Variants in RGL3 observed in about 807,000 individuals in gnomAD.
The protein encoded by RGL3 is ral guanine nucleotide dissociation stimulator-like 3.
RGL3 carries 85 observed loss-of-function variants against 90.6 expected under a neutral mutation model. The ratio of observed to expected loss-of-function variants is 0.94; its 90% CI spans 0.79 to 1.12. The LOEUF (loss-of-function observed/expected upper bound fraction) is 1.12, where lower values mean the gene tolerates loss of function less well. Ranked by LOEUF, RGL3 falls within the 50% of genes most tolerant of loss-of-function variation. The probability of loss-of-function intolerance (pLI) is 0.00; values close to 1 mark genes in which losing one functional copy is unlikely to be tolerated. For synonymous variants in RGL3, 408 were observed against 385.5 expected (o/e 1.06, Z -0.68); for missense variants, 1,034 against 939.2 (o/e 1.10, Z -1.32).
In RGL3 at chr19:11,409,288, G is replaced by T. The variant is rs917319390; in HGVS notation, c.638-2424C>A. Among the ~76,000 whole-genome samples, 5 of 152,222 alleles carry T rather than the reference G, an allele frequency of 3.3e-5. No homozygotes were observed. In the East Asian group the frequency reaches 9.7e-4, roughly 29 times the overall value. ...GAGGTCAGGAGATCGAGACCATCCTGGCTAACATGGTGAAACCCCGTCTCT... is the reference window on the plus strand; with the variant it reads ...GAGGTCAGGAGATCGAGACCATCCTTGCTAACATGGTGAAACCCCGTCTCT... On this transcript the variant is annotated intron_variant, in intron 5 of 18. Transcript: ENST00000380456.
chr19:11,410,008 G>A (rs529483262), intron 5 of RGL3, among the ~76,000 whole-genome samples: 222 of 151,512 alleles, frequency 1.5e-3, no homozygotes, highest in African/African-American at 5.2e-3. Flanking sequence ...GCTCGATCTC[G>A]GCTCACTGCA....
At chr19:11,395,415 A>T (rs181153141) in intron 18 of RGL3, among the ~76,000 whole-genome samples, 72 of 152,130 alleles carry the variant, frequency 4.7e-4, no homozygotes, top group Middle Eastern at 3.4e-3. Flanking sequence ...GGACAATCTC[A>T]TGCTTCCGCG....
At chr19:11,414,176 T>TACACCTATATATATATATATATATAC (rs1968926451) in intron 5 of RGL3, among the ~76,000 whole-genome samples, 1 of 75,020 alleles carries the variant, frequency 1.3e-5, no homozygotes, top group Admixed American at 1.5e-4. Context: ...TATATATATA[T>TACACCTATATATATATATATATATAC]ACACCTATAT....
intron 9 of RGL3, among the ~76,000 whole-genome samples, chr19:11,403,405 G>A (rs967832975): frequency 6.7e-6 from 1 of 149,108 alleles, no homozygotes; most frequent in Non-Finnish European, 1.5e-5. Context: ...TTGGGAGGCC[G>A]AGGCTGGTGG....
chr19:11,395,318 C>A (rs1021998658), intron 18 of RGL3, among the ~76,000 whole-genome samples: 1 of 152,144 alleles, frequency 6.6e-6, no homozygotes. Context: ...TGAACAACCA[C>A]AAGCATCCTT....
intron 5 of RGL3, among the ~76,000 whole-genome samples, chr19:11,413,552 AAAAAG>A (rs1317503982): frequency 6.7e-6 from 1 of 148,258 alleles, no homozygotes; most frequent in Non-Finnish European, 1.5e-5. Context: ...AAAAAAAAAA[AAAAAG>A]GGCAGGGTCA....
At chr19:11,418,588 C>T in intron 2 of RGL3, 83 bp downstream of exon 2, 1 of 1,112,606 alleles carries the variant, frequency 9.0e-7, no homozygotes, top group Non-Finnish European at 1.3e-6. Context: ...CCCACTGCAC[C>T]TGGCGGCCTG....
At chr19:11,416,490 C>T (rs1377964454) in intron 4 of RGL3, 124 bp downstream of exon 4, 4 of 954,288 alleles carry the variant, frequency 4.2e-6, no homozygotes, top group African/African-American at 1.6e-5. Flanking sequence ...TGAGCCACCA[C>T]GCCCCACCTG....
rs10416704 is a variant in RGL3 at position 11,405,331 on chromosome 19, T to C, written c.1092A>G (p.Ala364=). The change falls in exon 8 of 19, where the codon GCA becomes GCG. Residue 364 remains alanine (A), a synonymous_variant. Coordinates refer to ENST00000380456, the MANE Select transcript of RGL3 (RefSeq NM_001035223.4). Reference sequence around the variant, plus strand: ...GTCCCGCCCCAGCTCACCGGCTCACTGCCCCCCAGCTGCGCTTGAGCCGGT... The same window carrying C: ...GTCCCGCCCCAGCTCACCGGCTCACCGCCCCCCAGCTGCGCTTGAGCCGGT... The part of the protein sequence containing the change: ...PIYRLKRSWG[A]VSREPLSTFR... 1.9e-6 allele frequency: 3 copies of C among 1,612,780 alleles called. No homozygotes were observed. The highest frequency in any genetic ancestry group is 2.5e-6 in the Non-Finnish European group (3 of 1,179,550).
chr19:11,405,250 G>C lies in RGL3; in HGVS notation c.1101-19C>G, dbSNP rs1435510617. On this transcript the variant is annotated intron_variant, in intron 8 of 18. Transcript: ENST00000380456. ...CGGTTCCCTGGAAGGACAGGAGAAG[G>C]GTGGTCAGGGGTCAGTGGCTTGGGA... The C allele has an allele frequency of 1.9e-6, 3 of 1,613,292 alleles. No individual in the cohort carries two copies. Among genetic ancestry groups the C allele is most frequent in the South Asian group, 2.2e-5 (2 of 91,058 alleles).
chr19:11,402,249 TG>T lies in RGL3; in HGVS notation c.1330-3del. 2.5e-6 allele frequency: 4 copies of T among 1,611,044 alleles called. No homozygotes were observed. The highest frequency in any genetic ancestry group is 3.4e-6 in the Non-Finnish European group (4 of 1,178,792). ...CTTCTCAAAGTTAATGAGATCCCCC[TG>T]GGGGCAAAGTGTGTCTGAATTGCAG... is the stretch of plus-strand genomic sequence containing the variant. On this transcript the variant is annotated splice_region_variant and splice_polypyrimidine_tract_variant and intron_variant, in intron 11 of 18. Transcript: ENST00000380456.
In RGL3 at chr19:11,407,049, A is replaced by C. The variant is rs148075683; in HGVS notation, c.638-185T>G. 180 of 549,212 alleles carry C rather than the reference A, an allele frequency of 3.3e-4. 3 individuals are homozygous for C. Among genetic ancestry groups the C allele is most frequent in the Middle Eastern group, 2.5e-3 (5 of 2,024 alleles). 34.0% of individuals were successfully genotyped at this position (549,212 alleles called of 1,614,324 possible). On this transcript the variant is annotated intron_variant, in intron 5 of 18. Transcript: ENST00000380456. Reference sequence around the variant, plus strand: ...TGCCCAAGCTGGAGTACAATGGCGCAATCTCAGCTGACCACAACCTCCGCC... The same window carrying C: ...TGCCCAAGCTGGAGTACAATGGCGCCATCTCAGCTGACCACAACCTCCGCC...
rs201239026 is a variant in RGL3 at position 11,406,430 on chromosome 19, G to T, written c.985C>A (p.Arg329Ser). 130 of 1,538,616 alleles carry T rather than the reference G, an allele frequency of 8.4e-5. No individual in the cohort carries two copies. The East Asian group carries it at 2.2e-3, about 26-fold the overall frequency. Residue 329 changes from arginine (R) to serine (S), a missense_variant, in exon 7 of 19, where the codon CGC (arginine) becomes AGC (serine). By Grantham distance (110) the Arg-to-Ser change is moderately radical. Coordinates refer to ENST00000380456, the MANE Select transcript of RGL3 (RefSeq NM_001035223.4). ...CGCCCGCAACACACCTGGGCGATGC[G>T]GATCCACTTCTCCAGCCGCTGCGCC... ...QRAQRLEKWI[R>S]IAQRCRELRN...
chr19:11,405,157 A>G lies in RGL3; in HGVS notation c.1175T>C (p.Ile392Thr). Residue 392 changes from isoleucine to threonine, a missense_variant, in exon 9 of 19, where the codon ATT becomes ACT. Coordinates refer to ENST00000380456, the MANE Select transcript of RGL3 (RefSeq NM_001035223.4). ...DENNHLSSRE[I>T]LFQEEATEGS... is the part of the protein sequence containing the mutation. ...TGCATCCATCTCTACCTGGAAAAGA[A>G]TCTCTCTGCTGCTGAGGTGGTTGTT... The G allele has an allele frequency of 6.2e-7, 1 of 1,614,010 alleles. No homozygotes were observed. Among genetic ancestry groups the G allele is most frequent in the Non-Finnish European group, 8.5e-7 (1 of 1,179,872 alleles).
chr19:11,413,844 C>T (rs1055865162), intron 5 of RGL3, among the ~76,000 whole-genome samples: 5 of 148,264 alleles, frequency 3.4e-5, no homozygotes, highest in African/African-American at 9.9e-5. Context: ...CCCAGGTTCG[C>T]GCCATTCTCC....
At chr19:11,409,982 A>G (rs547227299) in intron 5 of RGL3, among the ~76,000 whole-genome samples, 8 of 151,944 alleles carry the variant, frequency 5.3e-5, no homozygotes, top group African/African-American at 1.9e-4. Context: ...TCTGTCGCCC[A>G]GGCTGGAGTG....
At chr19:11,419,177 G>C (rs537566527) in intron 1 of RGL3, 69 bp downstream of exon 1, 95 of 1,526,500 alleles carry the variant, frequency 6.2e-5, no homozygotes, top group Non-Finnish European at 7.8e-5. Flanking sequence ...TCCGACGGGC[G>C]GGCGCTTGGA....
rs746598665 is a variant in RGL3, at chr19:11,397,238, G to T, written c.2014+6C>A. On this transcript the variant is annotated splice_donor_region_variant and intron_variant, in intron 18 of 18. Transcript: ENST00000380456. ...CTATCCTGAGCTCCAACCCATCCCT[G>T]CTCACCCCGGTCCCCAGGAAGGACT... 1.9e-6 allele frequency: 3 copies of T among 1,612,416 alleles called. No homozygotes were observed. The highest frequency in any genetic ancestry group is 2.5e-6 in the Non-Finnish European group (3 of 1,178,786).
Position 11,405,139 on chromosome 19 carries a change from A to G in RGL3, c.1185+8T>C. On this transcript the variant is annotated splice_region_variant and intron_variant, in intron 9 of 18. Coordinates refer to ENST00000380456, the MANE Select transcript of RGL3 (RefSeq NM_001035223.4). Reference sequence around the variant, plus strand: ...CCTAAAATCCCTGGAGTCTGCATCCATCTCTACCTGGAAAAGAATCTCTCT... The same window carrying G: ...CCTAAAATCCCTGGAGTCTGCATCCGTCTCTACCTGGAAAAGAATCTCTCT... 1 of 1,613,304 alleles carries G rather than the reference A, an allele frequency of 6.2e-7. No homozygotes were observed. The highest frequency in any genetic ancestry group is 8.5e-7 in the Non-Finnish European group (1 of 1,179,282).
Sources: gnomAD v4.1 joint callset for allele counts (sites outside exome capture counted in the v4.1 genomes callset) on GRCh38, gnomAD v4.1.1 for gene constraint, MANE v1.5 for transcripts, NCBI Gene and HGNC (gene_info 2026-07-23, HGNC 2026-07-21) for gene names.